Variants in UBA52 observed in about 807,000 individuals in gnomAD.
UBA52 encodes the protein ubiquitin A-52 residue ribosomal protein fusion product 1.
A neutral mutation model predicts 15.3 loss-of-function variants in UBA52; 1 was observed. The observed-to-expected ratio is 0.07, with a 90% CI of 0.02 to 0.31. UBA52 has a LOEUF of 0.31. Ranked by LOEUF, UBA52 falls within the 10% of genes least tolerant of loss-of-function variation. The pLI is 1.00. For synonymous variants in UBA52, 50 were observed against 58.3 expected (o/e 0.86, Z 0.65); for missense variants, 87 against 168.0 (o/e 0.52, Z 2.66).
At chr19:18,566,366 G>A in the UBA52 span, among the ~76,000 whole-genome samples, 6 of 151,354 alleles carry the variant, frequency 4.0e-5, no homozygotes, top group Non-Finnish European at 7.4e-5. Context: ...TACTCGGGAG[G>A]CTGAGGCAGG....
rs1442585405 is a variant in UBA52, at chr19:18,575,340, G to A, written c.*190G>A. 6.3e-6 allele frequency: 4 copies of A among 632,238 alleles called. No homozygotes were observed. Among genetic ancestry groups the A allele is most frequent in the Non-Finnish European group, 1.1e-5 (4 of 365,560 alleles). 39.2% of individuals were successfully genotyped at this position (632,238 alleles called of 1,614,324 possible). On this transcript the variant is annotated 3_prime_UTR_variant, in exon 5 of 5. Transcript: ENST00000442744. ...CACTCCATTCTGTGCCACCTGTGGGGTCTTCTGTCCTAGATTCTGTCACAT... is the reference window on the plus strand; with the variant it reads ...CACTCCATTCTGTGCCACCTGTGGGATCTTCTGTCCTAGATTCTGTCACAT...
chr19:18,574,991 T>A lies in UBA52; in HGVS notation c.293+19T>A. On this transcript the variant is annotated intron_variant, in intron 4 of 4. Transcript: ENST00000442744. The stretch of plus-strand genomic sequence containing the variant: ...GCCGCAAGTATGTGTGCTCCGATGC[T>A]TGGGGGGCTGTGGGGGCTGCCGGAG... 6.2e-7 allele frequency: 1 copy of A among 1,614,132 alleles called. No individual in the cohort carries two copies. The highest frequency in any genetic ancestry group is 8.5e-7 in the Non-Finnish European group (1 of 1,180,022).
chr19:18,567,251 A>AAGGTGG, upstream of UBA52: 1 of 1,469,668 alleles, frequency 6.8e-7, no homozygotes, highest in Non-Finnish European at 9.5e-7. Flanking sequence ...CTGGAAGGCC[A>AAGGTGG]CCTTGGGGCC....
chr19:18,575,368 G>T lies in UBA52; in HGVS notation c.*218G>T. On this transcript the variant is annotated 3_prime_UTR_variant, in exon 5 of 5. Coordinates refer to ENST00000442744, the MANE Select transcript of UBA52 (RefSeq NM_001033930.3). ...TTCTGTCCTAGATTCTGTCACATCGGCATTGGTCCCTGCCCTATGCCCCTG... is the reference window on the plus strand; with the variant it reads ...TTCTGTCCTAGATTCTGTCACATCGTCATTGGTCCCTGCCCTATGCCCCTG... 1.7e-6 allele frequency: 1 copy of T among 574,300 alleles called. No homozygotes were observed. Among genetic ancestry groups the T allele is most frequent in the East Asian group, 3.0e-5 (1 of 33,320 alleles). 35.6% of individuals were successfully genotyped at this position (574,300 alleles called of 1,614,324 possible). A position where few individuals can be genotyped will look rare whatever the true frequency, so the allele number is the denominator to read the frequency against.
chr19:18,570,687 ATTT>A (rs930596715), upstream of UBA52, among the ~76,000 whole-genome samples: 2 of 121,386 alleles, frequency 1.6e-5, no homozygotes, highest in African/African-American at 6.4e-5. Context: ...AATTTTTGTA[ATTT>A]TTTTTTTCTT....
the UBA52 span, among the ~76,000 whole-genome samples, chr19:18,565,721 T>C: frequency 6.6e-6 from 1 of 152,134 alleles, no homozygotes; most frequent in Non-Finnish European, 1.5e-5. Flanking sequence ...GGAGTCTTGC[T>C]CTGTCGCCCA....
chr19:18,568,676 C>T (rs763870724), upstream of UBA52: 13 of 1,471,570 alleles, frequency 8.8e-6, no homozygotes, highest in East Asian at 2.5e-4. Context: ...CAGCAGCATA[C>T]AAGGTGGCAG....
At chr19:18,571,807 C>A (rs150330486), upstream of UBA52, 1 of 152,342 alleles carries the variant, frequency 6.6e-6, no homozygotes, top group Non-Finnish European at 1.5e-5. Flanking sequence ...CCGGCGTGCT[C>A]CGTGCGCAAG....
rs1246968384 is a variant in UBA52 at position 18,577,278 on chromosome 19, A to C, written c.*2128A>C. On this transcript the variant is annotated 3_prime_UTR_variant, in exon 5 of 5. Transcript: ENST00000442744. ...TAACTGATCGAATGAAGGATTCAAA[A>C]TTAACCACTCCAAGGGGGGATTGAA... The C allele has an allele frequency of 6.6e-6, 1 of 152,114 alleles. No homozygotes were observed. Among genetic ancestry groups the C allele is most frequent in the African/African-American group, 2.4e-5 (1 of 41,408 alleles). 9.4% of individuals were successfully genotyped at this position (152,114 alleles called of 1,614,324 possible).
At chr19:18,568,768 T>C (rs1039558148), upstream of UBA52, 2 of 657,006 alleles carry the variant, frequency 3.0e-6, no homozygotes, top group African/African-American at 3.6e-5. Flanking sequence ...GGGACAAGGC[T>C]CTCTCCCGAG....
At chr19:18,574,243 T>C (rs1568429403) in intron 3 of UBA52, among the ~76,000 whole-genome samples, 1 of 151,992 alleles carries the variant, frequency 6.6e-6, no homozygotes, top group Admixed American at 6.6e-5. Context: ...ATGTGAATTT[T>C]TTTATCACTG....
chr19:18,571,375 C>T (rs1975474528), upstream of UBA52, among the ~76,000 whole-genome samples: 1 of 151,148 alleles, frequency 6.6e-6, no homozygotes, highest in Non-Finnish European at 1.5e-5. Flanking sequence ...CACCACCTTT[C>T]TGGGCGAATG....
At chr19:18,571,790 C>G (rs1229730753), upstream of UBA52, 1 of 152,292 alleles carries the variant, frequency 6.6e-6, no homozygotes, top group Non-Finnish European at 1.5e-5. Flanking sequence ...AATTGTGACG[C>G]AGGCGTCCGG....
At chr19:18,566,018 A>G in the UBA52 span, among the ~76,000 whole-genome samples, 1 of 152,040 alleles carries the variant, frequency 6.6e-6, no homozygotes, top group African/African-American at 2.4e-5. Context: ...TTTAGTAGAG[A>G]CAGGGTTTCC....
rs1975752416 is a variant in UBA52 at position 18,575,692 on chromosome 19, G to A, written c.*542G>A. The A allele has an allele frequency of 6.2e-6, 1 of 162,108 alleles. No homozygotes were observed. Among genetic ancestry groups the A allele is most frequent in the Non-Finnish European group, 1.4e-5 (1 of 74,056 alleles). 10.0% of individuals were successfully genotyped at this position (162,108 alleles called of 1,614,324 possible). A position where few individuals can be genotyped will look rare whatever the true frequency, so the allele number is the denominator to read the frequency against. On this transcript the variant is annotated 3_prime_UTR_variant, in exon 5 of 5. Transcript: ENST00000442744. ...GCCCATCTCAGCCCCTCAAAGTGTTGGGATTACAAGCAAGAACTGCCATGC... is the reference window on the plus strand; with the variant it reads ...GCCCATCTCAGCCCCTCAAAGTGTTAGGATTACAAGCAAGAACTGCCATGC...
intron 3 of UBA52, among the ~76,000 whole-genome samples, chr19:18,574,245 T>G (rs1223553024): frequency 6.6e-6 from 1 of 152,016 alleles, no homozygotes; most frequent in Non-Finnish European, 1.5e-5. Flanking sequence ...GTGAATTTTT[T>G]TATCACTGCA....
At chr19:18,571,000 A>G (rs1975459895), upstream of UBA52, among the ~76,000 whole-genome samples, 2 of 149,652 alleles carry the variant, frequency 1.3e-5, no homozygotes, top group Non-Finnish European at 3.0e-5. Context: ...CTTTTTAACC[A>G]CCCACAAATC....
upstream of UBA52, among the ~76,000 whole-genome samples, chr19:18,570,507 C>CT (rs1555752289): frequency 8.5e-3 from 382 of 44,776 alleles, 9 homozygotes; most frequent in Middle Eastern, 0.016. Flanking sequence ...CGCCGTGGCA[C>CT]TTTTTTTTTT....
At position 18,577,538 on chromosome 19, in the gene UBA52, G is replaced by A. The variant is rs926317964; in HGVS notation, c.*2388G>A. ...CGCAGCTTCATTCTTCAAAGTTAGC[G>A]AGACCAGGAACCCATCGGCAGGAGA... On this transcript the variant is annotated 3_prime_UTR_variant, in exon 5 of 5. Coordinates refer to ENST00000442744, the MANE Select transcript of UBA52 (RefSeq NM_001033930.3). 19 of 152,166 alleles carry A rather than the reference G, an allele frequency of 1.2e-4. No homozygotes were observed. Among genetic ancestry groups the A allele is most frequent in the South Asian group, 1.2e-3 (6 of 4,826 alleles). 9.4% of individuals were successfully genotyped at this position (152,166 alleles called of 1,614,324 possible).
Sources: allele counts gnomAD v4.1 joint callset (sites outside exome capture counted in the v4.1 genomes callset), GRCh38; gene constraint gnomAD v4.1.1; transcripts MANE v1.5; gene names NCBI Gene and HGNC (gene_info 2026-07-23, HGNC 2026-07-21).